The following PTPRQ variants were observed in gnomAD, a reference collection of about 807,000 sequenced individuals.
PTPRQ encodes the protein phosphatidylinositol phosphatase PTPRQ.
A neutral mutation model predicts 246.0 loss-of-function variants in PTPRQ; 199 were observed. That is an observed-to-expected ratio of 0.81 (90% CI 0.72 to 0.91). The LOEUF (loss-of-function observed/expected upper bound fraction) is 0.91. Among genes scored for constraint, PTPRQ ranks in the 40% least tolerant of loss-of-function variants. The probability of loss-of-function intolerance (pLI) is 0.00; values close to 1 mark genes in which losing one functional copy is unlikely to be tolerated. For synonymous variants in PTPRQ, 869 were observed against 853.2 expected (o/e 1.02, Z -0.32); for missense variants, 2,624 against 2,528.4 (o/e 1.04, Z -0.81).
chr12:80,524,602 A>G (rs576632199), intron 17 of PTPRQ, among the ~76,000 whole-genome samples: 4 of 152,180 alleles, frequency 2.6e-5, no homozygotes, highest in Non-Finnish European at 5.9e-5. Flanking sequence ...TGTCATGGCC[A>G]GAAACTCCAT....
chr12:80,652,720 C>T, intron 37 of PTPRQ, 24 bp from the exon 38 acceptor site: 2 of 1,483,292 alleles, frequency 1.3e-6, no homozygotes, highest in African/African-American at 2.9e-5. Context: ...TAAATGTAAA[C>T]TTTGTAATGA....
At chr12:80,616,142 TACAC>T (rs956055760) in intron 29 of PTPRQ, 54 bp from the exon 30 acceptor site, 3 of 1,225,724 alleles carry the variant, frequency 2.4e-6, no homozygotes, top group African/African-American at 1.6e-5. Flanking sequence ...TATATATATA[TACAC>T]ACACATACAT....
chr12:80,455,290 ATTAT>A (rs1362022738), intron 3 of PTPRQ, among the ~76,000 whole-genome samples: 11 of 152,226 alleles, frequency 7.2e-5, no homozygotes, highest in Non-Finnish European at 1.0e-4. Flanking sequence ...ACTTTGGTTA[ATTAT>A]TTAAAAAAAC....
In PTPRQ at chr12:80,568,553, T is replaced by C. The variant is rs139094811; in HGVS notation, c.4285+18819T>C. ...TCTTCAGTAAGTTGTCTTGGCTGCA[T>C]ATGTAAAGTTTCTTGAACAGCAGTG... On this transcript the variant is annotated intron_variant, in intron 25 of 44. Coordinates refer to ENST00000644991, the MANE Select transcript of PTPRQ (RefSeq NM_001145026.2). Among the ~76,000 whole-genome samples, 199 of 152,338 alleles carry C rather than the reference T, an allele frequency of 1.3e-3. 1 individual carries two copies. Among genetic ancestry groups the C allele is most frequent in the Non-Finnish European group, 2.5e-3 (168 of 68,020 alleles).
At chr12:80,588,030 A>G (rs773130733) in intron 25 of PTPRQ, 99 bp from the exon 26 acceptor site, 3 of 1,262,094 alleles carry the variant, frequency 2.4e-6, no homozygotes, top group East Asian at 5.2e-5. Flanking sequence ...AATTTGACAG[A>G]TCTCTACTAG....
At chr12:80,456,574 T>A (rs1892989718) in intron 3 of PTPRQ, among the ~76,000 whole-genome samples, 2 of 152,174 alleles carry the variant, frequency 1.3e-5, no homozygotes, top group Non-Finnish European at 2.9e-5. Context: ...TCAACCTAGT[T>A]CTGCTTAGAT....
chr12:80,649,799 T>C (rs1056883411), intron 37 of PTPRQ, 130 bp downstream of exon 37: 1 of 1,304,072 alleles, frequency 7.7e-7, no homozygotes, highest in African/African-American at 1.5e-5. Context: ...AATTACCAGG[T>C]TGATTGTTTT....
chr12:80,579,336 A>G (rs1272613894), intron 25 of PTPRQ, among the ~76,000 whole-genome samples: 1 of 152,018 alleles, frequency 6.6e-6, no homozygotes, highest in Non-Finnish European at 1.5e-5. Context: ...TTTTCTTATG[A>G]CTGCCTTACA....
intron 4 of PTPRQ, among the ~76,000 whole-genome samples, chr12:80,458,425 A>T (rs1893044384): frequency 1.3e-5 from 2 of 152,126 alleles, no homozygotes; most frequent in African/African-American, 4.8e-5. Flanking sequence ...TAACTTTCTT[A>T]TGTAATTTAT....
chr12:80,536,038 C>T (rs552889836), intron 19 of PTPRQ, among the ~76,000 whole-genome samples: 6 of 152,222 alleles, frequency 3.9e-5, no homozygotes, highest in Admixed American at 2.0e-4. Context: ...ACCCGGGAGG[C>T]GGAGCTTGCA....
chr12:80,634,900 C>T (rs1332421706), intron 34 of PTPRQ, 45 bp from the exon 35 acceptor site: 1 of 1,542,438 alleles, frequency 6.5e-7, no homozygotes, highest in Non-Finnish European at 8.7e-7. Context: ...ATTTTATATA[C>T]TTTGTGTGAA....
chr12:80,604,388 A>T (rs554693709), intron 26 of PTPRQ, among the ~76,000 whole-genome samples: 79 of 151,664 alleles, frequency 5.2e-4, no homozygotes, highest in African/African-American at 1.9e-3. Flanking sequence ...TTAAACAGAA[A>T]CATTTTTAAG....
Position 80,450,461 on chromosome 12 carries a change from T to G in PTPRQ, c.390+4744T>G, listed in dbSNP as rs190057898. 5.1e-3 allele frequency among the ~76,000 whole-genome samples: 780 copies of G among 152,340 alleles called. 8 individuals are homozygous for G. Among genetic ancestry groups the G allele is most frequent in the African/African-American group, 0.018 (740 of 41,570 alleles). On this transcript the variant is annotated intron_variant, in intron 3 of 44. Transcript: ENST00000644991. ...GGGCATCCCTGTCTTGTGCCAGTTT[T>G]CAAAGGGAATGCTTCTGGTTTTTGC...
At chr12:80,493,581 T>G in intron 10 of PTPRQ, 126 bp downstream of exon 10, 1 of 1,341,574 alleles carries the variant, frequency 7.5e-7, no homozygotes, top group Non-Finnish European at 9.7e-7. Flanking sequence ...CGGATTTTTT[T>G]TTAGCTGTCG....
intron 14 of PTPRQ, among the ~76,000 whole-genome samples, chr12:80,502,176 C>T (rs1894818691): frequency 6.6e-6 from 1 of 151,750 alleles, no homozygotes; most frequent in South Asian, 2.1e-4. Context: ...AGGGATAGAG[C>T]TTGGAAAGGA....
rs1896101211 is a variant in PTPRQ, at chr12:80,539,918, T to C, written c.3128T>C (p.Ile1043Thr). 6.5e-7 allele frequency: 1 copy of C among 1,548,544 alleles called. No homozygotes were observed. The highest frequency in any genetic ancestry group is 2.0e-5 in the Admixed American group (1 of 50,678). The change falls in exon 20 of 45, where the codon ATC (isoleucine) becomes ACC (threonine). Residue 1043 changes from isoleucine (I) to threonine (T), a missense_variant. Coordinates refer to ENST00000644991, the MANE Select transcript of PTPRQ (RefSeq NM_001145026.2). ...GGAAATGGGAATAAAAGCAGTGACA[T>C]CATTGAAGTATACACAGATCAAGAC... The part of the protein sequence containing the change: ...SVGNGNKSSD[I>T]IEVYTDQDIP...
chr12:80,677,825 A>G (rs1477391460), intron 43 of PTPRQ, among the ~76,000 whole-genome samples: 1 of 152,204 alleles, frequency 6.6e-6, no homozygotes, highest in Non-Finnish European at 1.5e-5. Flanking sequence ...TATGTCTTAA[A>G]CATTTGATGA....
chr12:80,595,390 A>G (rs1349016769), intron 26 of PTPRQ, among the ~76,000 whole-genome samples: 1 of 152,104 alleles, frequency 6.6e-6, no homozygotes, highest in African/African-American at 2.4e-5. Context: ...AAAGTGTTAC[A>G]GTGTCAAAAT....
intron 30 of PTPRQ, among the ~76,000 whole-genome samples, chr12:80,618,108 A>G (rs1898834007): frequency 6.6e-6 from 1 of 151,396 alleles, no homozygotes; most frequent in East Asian, 1.9e-4. Context: ...AAACTGATAC[A>G]TTGAGTAAGA....
Sources: allele counts gnomAD v4.1 joint callset (sites outside exome capture counted in the v4.1 genomes callset), GRCh38; gene constraint gnomAD v4.1.1; transcripts MANE v1.5; gene names NCBI Gene and HGNC (gene_info 2026-07-23, HGNC 2026-07-21).